Variants in NSMCE1 observed in about 807,000 individuals in gnomAD.
NSMCE1 encodes NSE1 component of SMC5/6 complex.
A neutral mutation model predicts 29.6 loss-of-function variants in NSMCE1; 18 were observed. That is an observed-to-expected ratio of 0.61 (90% CI 0.42 to 0.90). NSMCE1 has a LOEUF of 0.90. Ranked by LOEUF, NSMCE1 falls within the 40% of genes least tolerant of loss-of-function variation. The pLI, the probability that NSMCE1 is intolerant of heterozygous loss-of-function variation, is 0.00. For synonymous variants in NSMCE1, 124 were observed against 133.4 expected (o/e 0.93, Z 0.49); for missense variants, 314 against 343.6 (o/e 0.91, Z 0.68).
chr16:27,228,934 C>T (rs564286199), intron 5 of NSMCE1, among the ~76,000 whole-genome samples: 2 of 152,178 alleles, frequency 1.3e-5, no homozygotes, highest in East Asian at 3.9e-4. Context: ...CGGCCTCCAC[C>T]CTCTTCCACC....
At chr16:27,230,320 T>C in intron 5 of NSMCE1, among the ~76,000 whole-genome samples, 1 of 152,168 alleles carries the variant, frequency 6.6e-6, no homozygotes, top group East Asian at 1.9e-4. Flanking sequence ...CCTGGCTATT[T>C]CTGTGGGAAG....
At chr16:27,229,563 A>G (rs1048863057) in intron 5 of NSMCE1, among the ~76,000 whole-genome samples, 2 of 152,140 alleles carry the variant, frequency 1.3e-5, no homozygotes, top group African/African-American at 4.8e-5. Context: ...CTGAGGCAGG[A>G]GCTGCATTTA....
rs766267175 is a variant in NSMCE1, at chr16:27,257,434, C to T, written c.136+1G>A. ...CCTGGGAACAGGGAAACGGTACTCA[C>T]GGTCATGGACCTTGTAGCAGTGCGT... On this transcript the variant is annotated splice_donor_variant, in intron 2 of 7. Transcript: ENST00000361439. LOFTEE classifies it high-confidence loss of function. 43 of 1,606,118 alleles carry T rather than the reference C, an allele frequency of 2.7e-5. No homozygotes were observed. The highest frequency in any genetic ancestry group is 3.5e-5 in the Non-Finnish European group (41 of 1,175,780).
intron 1 of NSMCE1, among the ~76,000 whole-genome samples, chr16:27,263,285 A>T (rs1187727303): frequency 6.6e-6 from 1 of 152,224 alleles, no homozygotes; most frequent in Non-Finnish European, 1.5e-5. Context: ...AAAGACATGG[A>T]ATCAACCTAA....
rs1267298736 is a variant in NSMCE1, at chr16:27,251,160, AT to A, written c.136+6274del. 1.9e-3 allele frequency among the ~76,000 whole-genome samples: 36 copies of A among 18,534 alleles called. 1 individual carries two copies. The highest frequency in any genetic ancestry group is 0.014 in the East Asian group (7 of 490). The allele number at this position is 18,534 out of a possible 152,430, so 12.2% of individuals were successfully genotyped here. ...CCAGCCTTAATTTTAATTATTTAAA[AT>A]ATATATATATATATATATATATATA... is the stretch of plus-strand genomic sequence containing the variant. On this transcript the variant is annotated intron_variant, in intron 2 of 7. Transcript: ENST00000361439.
intron 2 of NSMCE1, among the ~76,000 whole-genome samples, chr16:27,256,658 T>C (rs1234841961): frequency 6.6e-6 from 1 of 152,230 alleles, no homozygotes; most frequent in African/African-American, 2.4e-5. Flanking sequence ...CTATCAACAC[T>C]GATCCTACTG....
At chr16:27,236,737 T>C (rs57555475) in intron 2 of NSMCE1, among the ~76,000 whole-genome samples, 4,044 of 152,116 alleles carry the variant, frequency 0.027, 183 homozygotes, top group African/African-American at 0.088. Context: ...ATGGACAATA[T>C]GATACATTCA....
At position 27,231,335 on chromosome 16, in the gene NSMCE1, C is replaced by T. The variant is rs79423904; in HGVS notation, c.483+1666G>A. Among the ~76,000 whole-genome samples the T allele has an allele frequency of 5.1e-3, 783 of 152,304 alleles. 10 individuals are homozygous for T. The highest frequency in any genetic ancestry group is 0.018 in the African/African-American group (752 of 41,574). ...GCCATGAAGAGGTCATAACCCCTAC[C>T]CTTAAAAAACTTGGCCTGTGGCCGG... On this transcript the variant is annotated intron_variant, in intron 5 of 7. Coordinates refer to ENST00000361439, the MANE Select transcript of NSMCE1 (RefSeq NM_145080.4).
At chr16:27,235,418 G>T in intron 2 of NSMCE1, 119 bp from the exon 3 acceptor site, 1 of 1,107,048 alleles carries the variant, frequency 9.0e-7, no homozygotes, top group Non-Finnish European at 1.3e-6. Context: ...AGACATGGGT[G>T]GAGGCTGCAG....
intron 2 of NSMCE1, among the ~76,000 whole-genome samples, chr16:27,247,059 G>C (rs2083965548): frequency 6.6e-6 from 1 of 152,048 alleles, no homozygotes; most frequent in Non-Finnish European, 1.5e-5. Flanking sequence ...ACTTAAAATG[G>C]GGCCAGTCTA....
intron 2 of NSMCE1, among the ~76,000 whole-genome samples, chr16:27,247,784 G>A (rs934187859): frequency 2.0e-5 from 3 of 152,012 alleles, no homozygotes; most frequent in Admixed American, 1.3e-4. Flanking sequence ...AAAATTAGCC[G>A]GGCGTGGTGG....
chr16:27,252,957 C>T (rs191439755), intron 2 of NSMCE1, among the ~76,000 whole-genome samples: 156 of 152,002 alleles, frequency 1.0e-3, no homozygotes, highest in African/African-American at 3.5e-3. Flanking sequence ...AACCCTTGAA[C>T]GACAGGATTT....
intron 6 of NSMCE1, chr16:27,226,181 C>CAA: frequency 4.6e-6 from 1 of 215,566 alleles, no homozygotes; most frequent in African/African-American, 2.3e-5. Flanking sequence ...CAAAAGCTTT[C>CAA]AAAAAAAAAG....
chr16:27,227,044 A>G (rs1390390211), intron 5 of NSMCE1, among the ~76,000 whole-genome samples: 4 of 152,222 alleles, frequency 2.6e-5, no homozygotes, highest in African/African-American at 7.2e-5. Context: ...AAAGACATGG[A>G]GGCGTGGCTC....
chr16:27,251,191 A>ATATAAAAAT (rs1555477411), intron 2 of NSMCE1, among the ~76,000 whole-genome samples: 2 of 32,334 alleles, frequency 6.2e-5, no homozygotes, highest in East Asian at 1.6e-3. Flanking sequence ...TATATATATA[A>ATATAAAAAT]ATATATATAT....
chr16:27,262,451 C>T (rs2084169564), intron 1 of NSMCE1, among the ~76,000 whole-genome samples: 1 of 152,056 alleles, frequency 6.6e-6, no homozygotes, highest in Admixed American at 6.6e-5. Context: ...ACACCTATGA[C>T]CACCTGATCC....
intron 1 of NSMCE1, chr16:27,268,084 A>T (rs2084247447): frequency 6.6e-6 from 1 of 152,146 alleles, no homozygotes; most frequent in Non-Finnish European, 1.5e-5. Context: ...AGCTGTGGAA[A>T]GGGTCGTGTA....
chr16:27,257,640 G>C (rs1487073789), intron 1 of NSMCE1, 59 bp from the exon 2 acceptor site: 2 of 1,364,178 alleles, frequency 1.5e-6, no homozygotes, highest in Non-Finnish European at 2.0e-6. Context: ...AACGTCCTGG[G>C]TCTTGTACTA....
chr16:27,226,843 G>C lies in NSMCE1; in HGVS notation c.484-7C>G. The C allele has an allele frequency of 6.3e-7, 1 of 1,589,496 alleles. No homozygotes were observed. The highest frequency in any genetic ancestry group is 8.6e-7 in the Non-Finnish European group (1 of 1,158,172). On this transcript the variant is annotated splice_polypyrimidine_tract_variant and splice_region_variant and intron_variant, in intron 5 of 7. Transcript: ENST00000361439. Reference sequence around the variant, plus strand: ...GGGTGAACTCCCCTTCCTTCTGCAGGGACACACAGGAGGTGGCCACCCTCA... The same window carrying C: ...GGGTGAACTCCCCTTCCTTCTGCAGCGACACACAGGAGGTGGCCACCCTCA...
Sources: allele counts gnomAD v4.1 joint callset (sites outside exome capture counted in the v4.1 genomes callset), GRCh38; gene constraint gnomAD v4.1.1; transcripts MANE v1.5; gene names NCBI Gene and HGNC (gene_info 2026-07-23, HGNC 2026-07-21).